The following CDH10 variants were observed in gnomAD, a reference collection of about 807,000 sequenced individuals.
CDH10 encodes the protein cadherin-10.
CDH10 carries 30 observed loss-of-function variants against 73.1 expected under a neutral mutation model. The ratio of observed to expected loss-of-function variants is 0.41; its 90% CI spans 0.31 to 0.56. The LOEUF is 0.56. CDH10 is among the 20% of genes least tolerant of loss of function. CDH10 has a pLI of 0.27. For missense variants in CDH10, 815 were observed against 973.7 expected, an observed-to-expected ratio of 0.84 and a Z score of 2.17; for synonymous variants, 345 against 348.2, an observed-to-expected ratio of 0.99 and a Z score of 0.10.
At chr5:24,588,348 T>C (rs1041769455) in intron 2 of CDH10, among the ~76,000 whole-genome samples, 5 of 152,212 alleles carry the variant, frequency 3.3e-5, no homozygotes, top group African/African-American at 1.2e-4. Context: ...ATCTAACCAC[T>C]AAAAGCAGGT....
At chr5:24,593,716 AC>A (rs1746278914) in intron 1 of CDH10, 103 bp from the exon 2 acceptor site, 2 of 490,430 alleles carry the variant, frequency 4.1e-6, no homozygotes, top group Non-Finnish European at 7.2e-6. Context: ...AACAACCAAA[AC>A]ATTCATTTTC....
At chr5:24,515,707 T>A (rs1579745834) in intron 5 of CDH10, among the ~76,000 whole-genome samples, 2 of 152,158 alleles carry the variant, frequency 1.3e-5, no homozygotes, top group East Asian at 3.9e-4. Flanking sequence ...AATTCTTTAA[T>A]CTCTGTCTTT....
chr5:24,625,322 C>T (rs9293146), intron 1 of CDH10, among the ~76,000 whole-genome samples: 27,819 of 151,636 alleles, frequency 0.18, 3,179 homozygotes, highest in African/African-American at 0.32. Flanking sequence ...CATTGTTGCA[C>T]TGATATTAAA....
rs376175372 is a variant in CDH10 at position 24,519,304 on chromosome 5, A to G, written c.815-7790T>C. Reference sequence around the variant, plus strand: ...AAGTTTAGTTTATAAAACAATATAGATCAATATTTTAATGATCTTCAGTTT... The same window carrying G: ...AAGTTTAGTTTATAAAACAATATAGGTCAATATTTTAATGATCTTCAGTTT... On this transcript the variant is annotated intron_variant, in intron 5 of 11. Transcript: ENST00000264463. Among the ~76,000 whole-genome samples the G allele has an allele frequency of 3.3e-5, 5 of 151,838 alleles. No individual in the cohort carries two copies. In the East Asian group the frequency reaches 7.8e-4, roughly 24 times the overall value.
chr5:24,544,061 C>T (rs927144125), intron 2 of CDH10, among the ~76,000 whole-genome samples: 9 of 152,044 alleles, frequency 5.9e-5, no homozygotes, highest in African/African-American at 1.7e-4. Flanking sequence ...TTTGGGAGGC[C>T]GAGGAAGGCG....
intron 1 of CDH10, among the ~76,000 whole-genome samples, chr5:24,600,158 AT>A (rs1287513884): frequency 4.6e-5 from 7 of 152,118 alleles, no homozygotes; most frequent in African/African-American, 1.4e-4. Context: ...TCTAATATCC[AT>A]TTTTTGATTC....
intron 2 of CDH10, among the ~76,000 whole-genome samples, chr5:24,580,722 A>C (rs1745769621): frequency 6.6e-6 from 1 of 152,200 alleles, no homozygotes; most frequent in Non-Finnish European, 1.5e-5. Context: ...TTAAAACAAC[A>C]CAAATTAATT....
At chr5:24,545,569 C>T (rs1276649214) in intron 2 of CDH10, among the ~76,000 whole-genome samples, 1 of 152,014 alleles carries the variant, frequency 6.6e-6, no homozygotes, top group Non-Finnish European at 1.5e-5. Flanking sequence ...AATCTCGGTG[C>T]TTTGGGAAAC....
chr5:24,616,977 C>T (rs1396769800), intron 1 of CDH10, among the ~76,000 whole-genome samples: 1 of 152,126 alleles, frequency 6.6e-6, no homozygotes, highest in Non-Finnish European at 1.5e-5. Context: ...GAATTTAACA[C>T]CTCATCTTTT....
rs201104078 is a variant in CDH10 at position 24,487,922 on chromosome 5, G to C, written c.2108C>G (p.Thr703Arg). 14 of 1,613,858 alleles carry C rather than the reference G, an allele frequency of 8.7e-6. No individual in the cohort carries two copies. The highest frequency in any genetic ancestry group is 1.1e-5 in the Non-Finnish European group (13 of 1,179,920). ...ETLFIPRRTP[T>R]APDNTDVRDF... The stretch of plus-strand genomic sequence containing the variant: ...CCGGACGTCCGTGTTATCTGGAGCT[G>C]TAGGAGTCCTCCGAGGAATAAATAA... Residue 703 changes from threonine to arginine, a missense_variant, in exon 12 of 12, where the codon ACA (threonine) becomes AGA (arginine). By Grantham distance (71) the Thr-to-Arg change is moderately conservative. Coordinates refer to ENST00000264463, the MANE Select transcript of CDH10 (RefSeq NM_006727.5).
chr5:24,624,015 G>A (rs977247828), intron 1 of CDH10, among the ~76,000 whole-genome samples: 1 of 152,024 alleles, frequency 6.6e-6, no homozygotes, highest in African/African-American at 2.4e-5. Context: ...CAGGTTGAAG[G>A]AAACACAGGA....
chr5:24,517,105 T>C (rs571656264), intron 5 of CDH10, among the ~76,000 whole-genome samples: 1 of 152,230 alleles, frequency 6.6e-6, no homozygotes, highest in East Asian at 1.9e-4. Context: ...ATTTTTAATA[T>C]TAGTATTTAA....
At chr5:24,513,911 C>G (rs765871186) in intron 5 of CDH10, among the ~76,000 whole-genome samples, 3 of 152,108 alleles carry the variant, frequency 2.0e-5, no homozygotes, top group Non-Finnish European at 4.4e-5. Context: ...ATAGCCTTAT[C>G]AAAAGTAGTG....
At chr5:24,609,931 G>C (rs1272703035) in intron 1 of CDH10, 1 of 152,258 alleles carries the variant, frequency 6.6e-6, no homozygotes, top group Non-Finnish European at 1.5e-5. Context: ...GCCATTCACA[G>C]AATTCACGCT....
intron 11 of CDH10, among the ~76,000 whole-genome samples, chr5:24,489,973 A>G (rs1741990467): frequency 6.6e-6 from 1 of 152,080 alleles, no homozygotes; most frequent in Non-Finnish European, 1.5e-5. Flanking sequence ...TATGTTCTGA[A>G]TATTTTGAAT....
chr5:24,535,176 C>G lies in CDH10; in HGVS notation c.750G>C (p.Ser250=), dbSNP rs1381568551. 1 of 1,613,374 alleles carries G rather than the reference C, an allele frequency of 6.2e-7. No homozygotes were observed. Among genetic ancestry groups the G allele is most frequent in the African/African-American group, 1.3e-5 (1 of 74,956 alleles). ...KDMGGQMGGL[S]GTTTVNITLT... ...GCGTGATGTTCACAGTGGTTGTCCC[C>G]GATAAGCCTCCCATCTGGCCGCCCA... The change falls in exon 5 of 12, where the codon TCG becomes TCC. Residue 250 remains serine, a synonymous_variant. Transcript: ENST00000264463.
At chr5:24,612,867 G>C (rs1746994917) in intron 1 of CDH10, 1 of 152,114 alleles carries the variant, frequency 6.6e-6, no homozygotes, top group African/African-American at 2.4e-5. Context: ...GTGGTAATCA[G>C]AGCCCCTGAT....
chr5:24,578,360 A>G (rs1207084679), intron 2 of CDH10: 1 of 217,394 alleles, frequency 4.6e-6, no homozygotes, highest in African/African-American at 2.3e-5. Context: ...TGAAAGAAGC[A>G]TCTTCATCTT....
intron 5 of CDH10, among the ~76,000 whole-genome samples, chr5:24,513,939 T>C (rs1385309131): frequency 6.6e-6 from 1 of 152,154 alleles, no homozygotes; most frequent in Non-Finnish European, 1.5e-5. Context: ...TCACTTCTCC[T>C]ATCATCCGTC....
Sources: gnomAD v4.1 joint callset for allele counts (sites outside exome capture counted in the v4.1 genomes callset) on GRCh38, gnomAD v4.1.1 for gene constraint, MANE v1.5 for transcripts, NCBI Gene and HGNC (gene_info 2026-07-23, HGNC 2026-07-21) for gene names.